SPATS2L: variants seen among roughly 807,000 people sequenced by gnomAD.
SPATS2L encodes spermatogenesis associated serine rich 2 like.
Under a neutral mutation model 59.6 loss-of-function variants are expected in SPATS2L, and 30 were observed. The ratio of observed to expected loss-of-function variants is 0.50; its 90% CI spans 0.38 to 0.68. The LOEUF is 0.68. Ranked by LOEUF, SPATS2L falls within the 30% of genes least tolerant of loss-of-function variation. The probability of loss-of-function intolerance (pLI) is 0.00; values close to 1 mark genes in which losing one functional copy is unlikely to be tolerated. For synonymous variants in SPATS2L, 252 were observed against 263.5 expected (o/e 0.96, Z 0.42); for missense variants, 615 against 700.0 (o/e 0.88, Z 1.37).
intron 2 of SPATS2L, among the ~76,000 whole-genome samples, chr2:200,338,772 C>T (rs2080226083): frequency 6.6e-6 from 1 of 152,210 alleles, no homozygotes; most frequent in East Asian, 1.9e-4. Flanking sequence ...GGGGTTACCT[C>T]TCCACTTCAC....
intron 2 of SPATS2L, among the ~76,000 whole-genome samples, chr2:200,387,093 A>C (rs1234730388): frequency 6.6e-6 from 1 of 152,216 alleles, no homozygotes; most frequent in African/African-American, 2.4e-5. Context: ...CACTATTAGA[A>C]ATAATCAGAA....
Position 200,476,190 on chromosome 2 carries a change from T to C in SPATS2L, c.1282-1446T>C, listed in dbSNP as rs527604464. 3.3e-5 allele frequency among the ~76,000 whole-genome samples: 5 copies of C among 152,322 alleles called. No individual in the cohort carries two copies. The South Asian group carries it at 1.0e-3, about 32-fold the overall frequency. ...ATCCATTTACGTTCCTGGTCAGTGA[T>C]GTGTTGAAGGAATGATTTTTTAATA... On this transcript the variant is annotated intron_variant, in intron 12 of 12. Transcript: ENST00000409140.
chr2:200,422,728 G>C (rs999717218), intron 6 of SPATS2L, among the ~76,000 whole-genome samples: 1 of 152,044 alleles, frequency 6.6e-6, no homozygotes, highest in Non-Finnish European at 1.5e-5. Flanking sequence ...TAGGTTCCAG[G>C]ACCCCTAGTG....
chr2:200,337,276 T>A (rs2080173739), intron 2 of SPATS2L, among the ~76,000 whole-genome samples: 1 of 152,226 alleles, frequency 6.6e-6, no homozygotes. Flanking sequence ...TTTAATAAAG[T>A]AATGGAAAGG....
chr2:200,326,235 C>T (rs2079737269), intron 1 of SPATS2L, among the ~76,000 whole-genome samples: 1 of 152,208 alleles, frequency 6.6e-6, no homozygotes, highest in African/African-American at 2.4e-5. Context: ...CTCAGCCTCC[C>T]AGGTAGCTGG....
intron 2 of SPATS2L, among the ~76,000 whole-genome samples, chr2:200,356,014 A>G (rs1439429572): frequency 6.6e-6 from 1 of 152,234 alleles, no homozygotes; most frequent in Non-Finnish European, 1.5e-5. Flanking sequence ...GTAATGGTTG[A>G]CTAAATAATT....
At chr2:200,412,455 G>A in intron 4 of SPATS2L, 36 bp downstream of exon 4, 1 of 1,228,448 alleles carries the variant, frequency 8.1e-7, no homozygotes, top group Non-Finnish European at 1.2e-6. Flanking sequence ...GAAGATGTTA[G>A]ACTTAAATAT....
At chr2:200,307,206 G>A (rs961684782) in intron 1 of SPATS2L, among the ~76,000 whole-genome samples, 1 of 151,612 alleles carries the variant, frequency 6.6e-6, no homozygotes, top group Non-Finnish European at 1.5e-5. Flanking sequence ...GCGCTCCCCG[G>A]GCGAGCGTGT....
intron 9 of SPATS2L, among the ~76,000 whole-genome samples, chr2:200,463,538 A>G (rs1181535002): frequency 1.3e-5 from 2 of 152,220 alleles, no homozygotes; most frequent in South Asian, 2.1e-4. Flanking sequence ...TTTTGAGTAT[A>G]CTATACGAAA....
chr2:200,368,895 A>G (rs985107107), intron 2 of SPATS2L, among the ~76,000 whole-genome samples: 2 of 152,202 alleles, frequency 1.3e-5, no homozygotes, highest in Non-Finnish European at 2.9e-5. Flanking sequence ...ATATACATAT[A>G]TAAAATATAT....
chr2:200,356,494 GA>G (rs542445513), intron 2 of SPATS2L, among the ~76,000 whole-genome samples: 85 of 152,062 alleles, frequency 5.6e-4, no homozygotes, highest in Non-Finnish European at 1.1e-3. Flanking sequence ...TAGAAGGAGG[GA>G]AAAAAATGGG....
chr2:200,369,295 A>C (rs553331688), intron 2 of SPATS2L, among the ~76,000 whole-genome samples: 32 of 152,264 alleles, frequency 2.1e-4, no homozygotes, highest in South Asian at 4.1e-4. Flanking sequence ...GATAGCTAGG[A>C]TTACAGGTTT....
chr2:200,419,989 T>A (rs146022949), intron 6 of SPATS2L, among the ~76,000 whole-genome samples: 1 of 152,318 alleles, frequency 6.6e-6, no homozygotes, highest in Non-Finnish European at 1.5e-5. Context: ...AAAGAAATGT[T>A]ATTCAATGTT....
intron 2 of SPATS2L, among the ~76,000 whole-genome samples, chr2:200,341,110 G>A (rs2080310613): frequency 6.6e-6 from 1 of 152,130 alleles, no homozygotes; most frequent in African/African-American, 2.4e-5. Context: ...TTCTAAAACT[G>A]CTTTAATGCA....
intron 6 of SPATS2L, among the ~76,000 whole-genome samples, chr2:200,423,476 C>T (rs2083397842): frequency 6.6e-6 from 1 of 152,054 alleles, no homozygotes; most frequent in African/African-American, 2.4e-5. Flanking sequence ...AACCAAGGCT[C>T]CTGGATTGAG....
chr2:200,347,667 A>G (rs931357192), intron 2 of SPATS2L, among the ~76,000 whole-genome samples: 1 of 152,106 alleles, frequency 6.6e-6, no homozygotes, highest in African/African-American at 2.4e-5. Flanking sequence ...CCCTAAAGCA[A>G]AGTAGGGCTA....
Position 200,477,890 on chromosome 2 carries a change from G to C in SPATS2L, c.1536G>C (p.Gln512His), listed in dbSNP as rs769630441. 12 of 1,610,216 alleles carry C rather than the reference G, an allele frequency of 7.5e-6. No individual in the cohort carries two copies. ...ATTCTGAAAAGCCCCGGCGAAGGCA[G>C]CACGCTGCAGACACCTCGGAGGCCA... ...PAHSEKPRRR[Q>H]HAADTSEARP... Residue 512 changes from glutamine (Q) to histidine (H), a missense_variant, in exon 13 of 13, where the codon CAG (glutamine) becomes CAC (histidine). This residue lies in a region of SPATS2L where 284 missense variants were observed against 280.1 expected (regional missense o/e 1.01). Coordinates refer to ENST00000409140, the MANE Select transcript of SPATS2L (RefSeq NM_001100423.2).
At chr2:200,343,689 A>G (rs891608430) in intron 2 of SPATS2L, among the ~76,000 whole-genome samples, 4 of 152,186 alleles carry the variant, frequency 2.6e-5, no homozygotes, top group Non-Finnish European at 5.9e-5. Flanking sequence ...AATTGCTTCA[A>G]TTACAGATTA....
At chr2:200,356,981 C>A (rs1331131904) in intron 2 of SPATS2L, among the ~76,000 whole-genome samples, 4 of 151,986 alleles carry the variant, frequency 2.6e-5, no homozygotes, top group African/African-American at 4.8e-5. Context: ...CCTAATCACT[C>A]CCCCCAGCAC....
Sources: allele counts gnomAD v4.1 joint callset (sites outside exome capture counted in the v4.1 genomes callset), GRCh38; gene constraint gnomAD v4.1.1; regional missense constraint gnomAD v4.1.1; transcripts MANE v1.5; gene names NCBI Gene and HGNC (gene_info 2026-07-23, HGNC 2026-07-21).